ZMAT4: variants seen among roughly 807,000 people sequenced by gnomAD.
ZMAT4 encodes the protein zinc finger matrin-type protein 4.
In ZMAT4, 17 loss-of-function variants were observed where a neutral mutation model predicts 28.7. That is an observed-to-expected ratio of 0.59 (90% CI 0.41 to 0.89). The LOEUF (loss-of-function observed/expected upper bound fraction) is 0.89, where lower values mean the gene tolerates loss of function less well. Ranked by LOEUF, ZMAT4 falls within the 40% of genes least tolerant of loss-of-function variation. The probability of loss-of-function intolerance (pLI) is 0.00; values close to 1 mark genes in which losing one functional copy is unlikely to be tolerated. For synonymous variants in ZMAT4, 117 were observed against 109.2 expected, an observed-to-expected ratio of 1.07 and a Z score of -0.44; for missense variants, 240 against 283.8, an observed-to-expected ratio of 0.85 and a Z score of 1.11.
intron 3 of ZMAT4, among the ~76,000 whole-genome samples, chr8:40,702,928 C>A (rs371100080): frequency 2.6e-5 from 4 of 152,072 alleles, no homozygotes; most frequent in East Asian, 3.9e-4. Context: ...AAACAGTTGT[C>A]TAAATTTGTG....
intron 5 of ZMAT4, among the ~76,000 whole-genome samples, chr8:40,601,466 A>G (rs1335595444): frequency 2.8e-5 from 2 of 72,216 alleles, no homozygotes; most frequent in African/African-American, 4.0e-5. Flanking sequence ...GGGAGGAAGA[A>G]AGGAAAGAAA....
chr8:40,736,510 C>T (rs11785191), intron 3 of ZMAT4, among the ~76,000 whole-genome samples: 3 of 152,008 alleles, frequency 2.0e-5, no homozygotes, highest in Non-Finnish European at 2.9e-5. Context: ...AGAAAAGTAC[C>T]ATATAAGCAC....
intron 1 of ZMAT4, among the ~76,000 whole-genome samples, chr8:40,849,024 G>C (rs1006312340): frequency 6.6e-6 from 1 of 152,234 alleles, no homozygotes; most frequent in Non-Finnish European, 1.5e-5. Context: ...CGAGCCATGC[G>C]GGAGGACAAG....
Position 40,707,923 on chromosome 8 carries a change from G to A in ZMAT4, c.193-10522C>T, listed in dbSNP as rs138171572. ...ATATCTATCGATTGATGAAAACTAC[G>A]TACATACAAAATAAAATGAGAGTTC... On this transcript the variant is annotated intron_variant, in intron 3 of 6. Coordinates refer to ENST00000297737, the MANE Select transcript of ZMAT4 (RefSeq NM_024645.3). Among the ~76,000 whole-genome samples, 145 of 152,130 alleles carry A rather than the reference G, an allele frequency of 9.5e-4. 2 individuals are homozygous for A. In the East Asian group the frequency reaches 0.022, roughly 23 times the overall value.
chr8:40,893,324 C>G (rs944408300), intron 1 of ZMAT4, among the ~76,000 whole-genome samples: 3 of 152,118 alleles, frequency 2.0e-5, no homozygotes, highest in African/African-American at 7.2e-5. Flanking sequence ...GGCTCTGTGG[C>G]AAAATCAAGA....
At chr8:40,611,773 T>C (rs1420190274) in intron 5 of ZMAT4, among the ~76,000 whole-genome samples, 2 of 152,230 alleles carry the variant, frequency 1.3e-5, no homozygotes, top group Admixed American at 1.3e-4. Flanking sequence ...TTCTGAACAC[T>C]AGTAAGGGAG....
chr8:40,715,433 G>C (rs931446465), intron 3 of ZMAT4, among the ~76,000 whole-genome samples: 2 of 152,164 alleles, frequency 1.3e-5, no homozygotes, highest in African/African-American at 4.8e-5. Context: ...GAAAGAGCAA[G>C]AGTAGAAACA....
At chr8:40,680,387 C>A (rs916532197) in intron 4 of ZMAT4, among the ~76,000 whole-genome samples, 1 of 152,070 alleles carries the variant, frequency 6.6e-6, no homozygotes, top group Non-Finnish European at 1.5e-5. Context: ...TTGGTCACCC[C>A]AGCTTCGGAG....
intron 6 of ZMAT4, among the ~76,000 whole-genome samples, chr8:40,539,746 T>C (rs1563331680): frequency 1.3e-5 from 2 of 152,236 alleles, no homozygotes; most frequent in East Asian, 1.9e-4. Context: ...ATGTAGCTCT[T>C]GTACAATAGA....
At chr8:40,675,898 T>A (rs1808888647) in intron 4 of ZMAT4, among the ~76,000 whole-genome samples, 2 of 152,336 alleles carry the variant, frequency 1.3e-5, no homozygotes, top group South Asian at 4.1e-4. Flanking sequence ...AGAATAGACA[T>A]GTATCACTAT....
intron 1 of ZMAT4, among the ~76,000 whole-genome samples, chr8:40,862,981 A>G (rs79851350): frequency 6.6e-6 from 1 of 150,712 alleles, no homozygotes; most frequent in South Asian, 2.1e-4. Flanking sequence ...TAAAAAAAAA[A>G]GAAAGAAAGA....
chr8:40,636,457 C>T (rs532112713), intron 5 of ZMAT4, among the ~76,000 whole-genome samples: 12 of 152,288 alleles, frequency 7.9e-5, no homozygotes, highest in African/African-American at 2.2e-4. Context: ...ATCAACATAG[C>T]CTTTACAGTG....
At chr8:40,660,791 T>C (rs16889825) in intron 5 of ZMAT4, among the ~76,000 whole-genome samples, 9,037 of 152,250 alleles carry the variant, frequency 0.059, 866 homozygotes, top group East Asian at 0.48. Flanking sequence ...GAAAAGCAAA[T>C]TGTAGAGTAC....
chr8:40,662,595 C>T (rs771304525), intron 5 of ZMAT4, among the ~76,000 whole-genome samples: 1 of 152,124 alleles, frequency 6.6e-6, no homozygotes, highest in African/African-American at 2.4e-5. Flanking sequence ...CATTTATTAG[C>T]TTCATTAATA....
At chr8:40,777,654 C>T (rs1038567014) in intron 2 of ZMAT4, among the ~76,000 whole-genome samples, 3 of 152,118 alleles carry the variant, frequency 2.0e-5, no homozygotes, top group Admixed American at 6.5e-5. Flanking sequence ...CTGAGAGGGG[C>T]CACAGAGAGA....
chr8:40,611,681 C>T (rs946764884), intron 5 of ZMAT4, among the ~76,000 whole-genome samples: 5 of 152,150 alleles, frequency 3.3e-5, no homozygotes, highest in Non-Finnish European at 5.9e-5. Flanking sequence ...CATGTAATCA[C>T]ATTTAGAAAA....
At chr8:40,778,188 T>C (rs1813686072) in intron 2 of ZMAT4, among the ~76,000 whole-genome samples, 1 of 152,232 alleles carries the variant, frequency 6.6e-6, no homozygotes, top group African/African-American at 2.4e-5. Flanking sequence ...TCTCCATCTC[T>C]CATCAAATTA....
chr8:40,719,469 T>A (rs556019551), intron 3 of ZMAT4, among the ~76,000 whole-genome samples: 197 of 152,122 alleles, frequency 1.3e-3, no homozygotes, highest in African/African-American at 4.4e-3. Flanking sequence ...AATAAATAAA[T>A]AAAATACTTT....
At chr8:40,598,409 G>T (rs1257689002) in intron 5 of ZMAT4, among the ~76,000 whole-genome samples, 1 of 152,068 alleles carries the variant, frequency 6.6e-6, no homozygotes, top group Non-Finnish European at 1.5e-5. Flanking sequence ...TCCCCACCCT[G>T]TGTCCCTGTA....
Sources: allele counts gnomAD v4.1 joint callset (sites outside exome capture counted in the v4.1 genomes callset), GRCh38; gene constraint gnomAD v4.1.1; transcripts MANE v1.5; gene names NCBI Gene and HGNC (gene_info 2026-07-23, HGNC 2026-07-21).